The following SHC3 variants were observed in gnomAD, a reference collection of about 807,000 sequenced individuals.
SHC3 encodes the protein SHC adaptor protein 3.
Under a neutral mutation model 60.4 loss-of-function variants are expected in SHC3, and 15 were observed. That is an observed-to-expected ratio of 0.25 (90% CI 0.17 to 0.38). The LOEUF (loss-of-function observed/expected upper bound fraction) is 0.38, where lower values mean the gene tolerates loss of function less well. Among genes scored for constraint, SHC3 ranks in the 10% least tolerant of loss-of-function variants. SHC3 has a pLI of 1.00. For synonymous variants in SHC3, 294 were observed against 325.9 expected, an observed-to-expected ratio of 0.90 and a Z score of 1.05; for missense variants, 677 against 786.1, an observed-to-expected ratio of 0.86 and a Z score of 1.66.
intron 1 of SHC3, among the ~76,000 whole-genome samples, chr9:89,165,786 GC>G (rs1826779896): frequency 6.6e-6 from 1 of 152,114 alleles, no homozygotes; most frequent in Non-Finnish European, 1.5e-5. Flanking sequence ...CACTTAAAAG[GC>G]CTCCGAAATG....
chr9:89,039,780 C>T (rs1162455202), intron 10 of SHC3, among the ~76,000 whole-genome samples: 3 of 151,772 alleles, frequency 2.0e-5, no homozygotes, highest in Admixed American at 6.6e-5. Flanking sequence ...ATCACTATCC[C>T]CTCACCATTA....
chr9:89,052,185 G>C (rs763325208), intron 6 of SHC3, 22 bp from the exon 7 acceptor site: 5 of 1,612,138 alleles, frequency 3.1e-6, no homozygotes, highest in Non-Finnish European at 4.2e-6. Flanking sequence ...AGTGACATGG[G>C]CCTATTAGAG....
chr9:89,160,859 C>T (rs970183473), intron 1 of SHC3, among the ~76,000 whole-genome samples: 7 of 152,176 alleles, frequency 4.6e-5, no homozygotes, highest in Non-Finnish European at 7.3e-5. Flanking sequence ...ATACATAGTT[C>T]ATGGAAGGAA....
intron 2 of SHC3, among the ~76,000 whole-genome samples, chr9:89,096,690 C>T (rs1021728625): frequency 2.0e-5 from 3 of 152,124 alleles, no homozygotes; most frequent in African/African-American, 7.2e-5. Context: ...GTTAGCGTAG[C>T]GCAGCTGTTT....
intron 1 of SHC3, among the ~76,000 whole-genome samples, chr9:89,120,267 C>T (rs1381035256): frequency 1.3e-5 from 2 of 151,986 alleles, no homozygotes; most frequent in Non-Finnish European, 2.9e-5. Flanking sequence ...AAACAAATGA[C>T]ATAGGTAGCA....
At chr9:89,080,497 C>T (rs1303532611) in intron 2 of SHC3, among the ~76,000 whole-genome samples, 2 of 151,672 alleles carry the variant, frequency 1.3e-5, no homozygotes, top group South Asian at 4.2e-4. Context: ...TCATCCATCT[C>T]ACTACAGCCC....
At chr9:89,150,302 A>T (rs1166056642) in intron 1 of SHC3, among the ~76,000 whole-genome samples, 1 of 151,998 alleles carries the variant, frequency 6.6e-6, no homozygotes, top group East Asian at 1.9e-4. Flanking sequence ...ATCACCATTT[A>T]ATTCTATAGT....
intron 4 of SHC3, 137 bp downstream of exon 4, chr9:89,074,972 G>T: frequency 8.9e-7 from 1 of 1,128,862 alleles, no homozygotes; most frequent in Non-Finnish European, 1.2e-6. Context: ...CCTTCAAAGT[G>T]GCCAAAGTTC....
chr9:89,083,149 G>A (rs777996069), intron 2 of SHC3, among the ~76,000 whole-genome samples: 9 of 152,208 alleles, frequency 5.9e-5, no homozygotes, highest in Non-Finnish European at 1.0e-4. Context: ...AGGTGAGCCA[G>A]GCTGCACTCC....
chr9:89,139,707 T>TA (rs1176577379), intron 1 of SHC3, among the ~76,000 whole-genome samples: 66 of 152,226 alleles, frequency 4.3e-4, no homozygotes, highest in Admixed American at 2.7e-3. Context: ...GGGGCTTTTA[T>TA]TAGCTTTACA....
At chr9:89,156,498 T>C (rs953548215) in intron 1 of SHC3, among the ~76,000 whole-genome samples, 2 of 152,046 alleles carry the variant, frequency 1.3e-5, no homozygotes, top group African/African-American at 4.8e-5. Flanking sequence ...TAATCTTCGG[T>C]GCATTCAAAA....
intron 1 of SHC3, among the ~76,000 whole-genome samples, chr9:89,117,923 C>T (rs1826039943): frequency 6.6e-6 from 1 of 152,114 alleles, no homozygotes; most frequent in Non-Finnish European, 1.5e-5. Flanking sequence ...TCCATTTATT[C>T]CTGAACTGAG....
In SHC3 at chr9:89,081,180, T is replaced by C. The variant is rs529312293; in HGVS notation, c.546-3277A>G. Among the ~76,000 whole-genome samples, 10 of 152,290 alleles carry C rather than the reference T, an allele frequency of 6.6e-5. No individual in the cohort carries two copies. The South Asian group carries it at 2.1e-3, about 32-fold the overall frequency. The stretch of plus-strand genomic sequence containing the variant: ...TAAAAAATTTATGGACAAGAAAATA[T>C]GTAACATTTCACAGTCAACAAAGTA... On this transcript the variant is annotated intron_variant, in intron 2 of 11. Coordinates refer to ENST00000375835, the MANE Select transcript of SHC3 (RefSeq NM_016848.6).
rs180882254 is a variant in SHC3, at chr9:89,028,614, A to G, written c.1656+9379T>C. On this transcript the variant is annotated intron_variant, in intron 11 of 11. Coordinates refer to ENST00000375835, the MANE Select transcript of SHC3 (RefSeq NM_016848.6). Reference sequence around the variant, plus strand: ...ATGTTTATGTGTATATATATGCTATAGATATAGATTATCTCTCTATATAGA... The same window carrying G: ...ATGTTTATGTGTATATATATGCTATGGATATAGATTATCTCTCTATATAGA... Among the ~76,000 whole-genome samples, 10 of 145,468 alleles carry G rather than the reference A, an allele frequency of 6.9e-5. No homozygotes were observed. The East Asian group carries it at 2.0e-3, about 29-fold the overall frequency.
intron 1 of SHC3, among the ~76,000 whole-genome samples, chr9:89,132,121 A>G (rs1826255335): frequency 1.3e-5 from 2 of 152,216 alleles, no homozygotes; most frequent in African/African-American, 4.8e-5. Flanking sequence ...ATTAACAGAC[A>G]AACAGAGAGC....
At chr9:89,110,533 G>T in intron 2 of SHC3, 1 of 885,772 alleles carries the variant, frequency 1.1e-6, no homozygotes, top group Non-Finnish European at 1.4e-6. Flanking sequence ...GCAAGACATT[G>T]CTGTGTATTC....
chr9:89,074,623 A>T (rs1564121835), intron 4 of SHC3, among the ~76,000 whole-genome samples: 2 of 150,948 alleles, frequency 1.3e-5, no homozygotes, highest in Admixed American at 1.3e-4. Context: ...TCCATAGACA[A>T]CACCACTTCT....
chr9:89,097,557 C>T (rs1825723418), intron 2 of SHC3, among the ~76,000 whole-genome samples: 1 of 152,206 alleles, frequency 6.6e-6, no homozygotes, highest in African/African-American at 2.4e-5. Flanking sequence ...TGGAGTTTGT[C>T]TCAGGAGTCA....
chr9:89,070,377 C>T (rs1825251239), intron 5 of SHC3, among the ~76,000 whole-genome samples: 1 of 152,208 alleles, frequency 6.6e-6, no homozygotes, highest in Non-Finnish European at 1.5e-5. Context: ...CTTCCCTTTG[C>T]CCTCTGTGCC....
Sources: gnomAD v4.1 joint callset for allele counts (sites outside exome capture counted in the v4.1 genomes callset) on GRCh38, gnomAD v4.1.1 for gene constraint, MANE v1.5 for transcripts, NCBI Gene and HGNC (gene_info 2026-07-23, HGNC 2026-07-21) for gene names.